The following ADAM23 variants were observed in gnomAD, a reference collection of about 807,000 sequenced individuals.
ADAM23 encodes disintegrin and metalloproteinase domain-containing protein 23.
A neutral mutation model predicts 120.1 loss-of-function variants in ADAM23; 33 were observed. The ratio of observed to expected loss-of-function variants is 0.27; its 90% CI spans 0.21 to 0.37. The LOEUF (loss-of-function observed/expected upper bound fraction) is 0.37, where lower values mean the gene tolerates loss of function less well. ADAM23 is among the 10% of genes least tolerant of loss of function. ADAM23 has a pLI of 1.00. For synonymous variants in ADAM23, 367 were observed against 375.2 expected, an observed-to-expected ratio of 0.98 and a Z score of 0.25; for missense variants, 862 against 1,058.2, an observed-to-expected ratio of 0.81 and a Z score of 2.57.
chr2:206,543,878 G>A (rs1000933065), intron 6 of ADAM23, among the ~76,000 whole-genome samples: 3 of 152,168 alleles, frequency 2.0e-5, no homozygotes, highest in African/African-American at 7.2e-5. Context: ...AGTAACTCAG[G>A]AGTGGAAAAC....
chr2:206,532,473 A>G (rs1016717257), intron 4 of ADAM23, among the ~76,000 whole-genome samples: 1 of 152,162 alleles, frequency 6.6e-6, no homozygotes, highest in Non-Finnish European at 1.5e-5. Context: ...CTCTAGCAAA[A>G]GAAATTGTGT....
At chr2:206,472,874 C>T (rs141922749) in intron 2 of ADAM23, among the ~76,000 whole-genome samples, 65 of 152,194 alleles carry the variant, frequency 4.3e-4, no homozygotes, top group East Asian at 2.1e-3. Context: ...CAAAGTCACA[C>T]GGTGATCTGC....
intron 4 of ADAM23, among the ~76,000 whole-genome samples, chr2:206,539,427 C>T (rs1697246454): frequency 6.6e-6 from 1 of 152,180 alleles, no homozygotes; most frequent in South Asian, 2.1e-4. Context: ...GGCCAGCCCT[C>T]TTTAATTGTC....
Position 206,571,804 on chromosome 2 carries a change from T to C in ADAM23, c.1644T>C (p.Asn548=). 6.2e-7 allele frequency: 1 copy of C among 1,613,532 alleles called. No individual in the cohort carries two copies. Among genetic ancestry groups the C allele is most frequent in the Non-Finnish European group, 8.5e-7 (1 of 1,179,426 alleles). ...GCAGCGACGGGCCCTGCTGTAACAA[T>C]ACCTCATGTCTTGTGAGTTTTCTGA... is the stretch of plus-strand genomic sequence containing the variant. ...AHCSDGPCCN[N]TSCLFQPRGY... The change falls in exon 17 of 26, where the codon AAT becomes AAC. Residue 548 remains asparagine (N), a synonymous_variant. Coordinates refer to ENST00000264377, the MANE Select transcript of ADAM23 (RefSeq NM_003812.4).
chr2:206,614,951 A>T (rs1698907012), intron 25 of ADAM23, among the ~76,000 whole-genome samples: 1 of 152,100 alleles, frequency 6.6e-6, no homozygotes, highest in Non-Finnish European at 1.5e-5. Flanking sequence ...GGCCAGGAAG[A>T]TCGGTGCATT....
At chr2:206,615,020 G>T (rs2105868682) in intron 25 of ADAM23, among the ~76,000 whole-genome samples, 1 of 152,240 alleles carries the variant, frequency 6.6e-6, no homozygotes, top group East Asian at 1.9e-4. Context: ...GGAGGGGTTG[G>T]GCTAGGGACA....
intron 3 of ADAM23, among the ~76,000 whole-genome samples, chr2:206,512,422 C>T (rs368660174): frequency 6.6e-6 from 1 of 152,090 alleles, no homozygotes; most frequent in East Asian, 1.9e-4. Flanking sequence ...CAAAAATGTC[C>T]TCTGGTTTTA....
At chr2:206,589,335 T>C in intron 20 of ADAM23, 74 bp from the exon 21 acceptor site, 1 of 1,273,982 alleles carries the variant, frequency 7.8e-7, no homozygotes, top group Non-Finnish European at 1.1e-6. Flanking sequence ...TGTTAAACAC[T>C]TACTGGCACA....
intron 18 of ADAM23, among the ~76,000 whole-genome samples, chr2:206,576,330 C>G (rs1698111472): frequency 1.3e-5 from 2 of 151,978 alleles, no homozygotes; most frequent in South Asian, 4.2e-4. Flanking sequence ...CAATCTTTAA[C>G]TCTTTAAGTG....
intron 9 of ADAM23, among the ~76,000 whole-genome samples, chr2:206,550,492 G>T (rs962852282): frequency 1.5e-4 from 22 of 151,288 alleles, no homozygotes; most frequent in African/African-American, 5.3e-4. Context: ...CTGCTAATAT[G>T]TTATTTTTTC....
chr2:206,593,449 A>G (rs946894369), intron 22 of ADAM23, among the ~76,000 whole-genome samples: 1 of 152,192 alleles, frequency 6.6e-6, no homozygotes, highest in African/African-American at 2.4e-5. Context: ...TTAGAGTACC[A>G]TATCTTCACC....
chr2:206,471,957 C>A (rs1695668461), intron 2 of ADAM23, among the ~76,000 whole-genome samples: 1 of 152,188 alleles, frequency 6.6e-6, no homozygotes, highest in African/African-American at 2.4e-5. Context: ...AGCAAGTGCT[C>A]CAAAGGCTTG....
intron 12 of ADAM23, 87 bp downstream of exon 12, chr2:206,561,299 A>G: frequency 8.7e-7 from 1 of 1,153,128 alleles, no homozygotes; most frequent in Non-Finnish European, 1.3e-6. Flanking sequence ...GTGCTTGTTT[A>G]GAATGATGAC....
chr2:206,467,057 A>G (rs1270293706), intron 2 of ADAM23, among the ~76,000 whole-genome samples: 1 of 152,134 alleles, frequency 6.6e-6, no homozygotes, highest in Non-Finnish European at 1.5e-5. Flanking sequence ...TTGCGTGATC[A>G]AATCACCTCC....
intron 2 of ADAM23, among the ~76,000 whole-genome samples, chr2:206,467,723 G>T (rs1695570213): frequency 6.6e-6 from 1 of 152,172 alleles, no homozygotes; most frequent in Non-Finnish European, 1.5e-5. Flanking sequence ...ACTCTGTGTG[G>T]GGGCTCAACC....
chr2:206,500,171 A>T (rs1231886823), intron 3 of ADAM23, among the ~76,000 whole-genome samples: 1 of 152,134 alleles, frequency 6.6e-6, no homozygotes, highest in East Asian at 1.9e-4. Flanking sequence ...TGTTGATCAG[A>T]TACTAATATC....
At chr2:206,557,391 T>C (rs756116262) in intron 9 of ADAM23, 36 bp from the exon 10 acceptor site, 6 of 1,491,102 alleles carry the variant, frequency 4.0e-6, no homozygotes, top group Non-Finnish European at 5.6e-6. Context: ...TATTCACTTA[T>C]GATTTGGCAG....
intron 25 of ADAM23, among the ~76,000 whole-genome samples, chr2:206,613,343 G>A (rs1698872376): frequency 6.6e-6 from 1 of 152,190 alleles, no homozygotes; most frequent in Admixed American, 6.5e-5. Context: ...ACAGGCATGA[G>A]CCACTGTGCC....
chr2:206,505,998 T>A (rs539857096), intron 3 of ADAM23, among the ~76,000 whole-genome samples: 1 of 152,320 alleles, frequency 6.6e-6, no homozygotes, highest in South Asian at 2.1e-4. Flanking sequence ...TTACATTGGT[T>A]CTTGGGAAGG....
Sources: allele counts gnomAD v4.1 joint callset (sites outside exome capture counted in the v4.1 genomes callset), GRCh38; gene constraint gnomAD v4.1.1; transcripts MANE v1.5; gene names NCBI Gene and HGNC (gene_info 2026-07-23, HGNC 2026-07-21).